KCNH8: variants seen among roughly 807,000 people sequenced by gnomAD.
KCNH8 encodes the protein voltage-gated delayed rectifier potassium channel KCNH8.
KCNH8 carries 70 observed loss-of-function variants against 103.6 expected under a neutral mutation model. The observed-to-expected ratio is 0.68, with a 90% CI of 0.56 to 0.82. KCNH8 has a LOEUF of 0.82. Among genes scored for constraint, KCNH8 ranks in the 40% least tolerant of loss-of-function variants. KCNH8 has a pLI of 0.00. For missense variants in KCNH8, 1,217 were observed against 1,329.9 expected (o/e 0.92, Z 1.32); for synonymous variants, 498 against 489.4 (o/e 1.02, Z -0.23).
At chr3:19,528,707 TATAAA>T (rs1382017271) in intron 15 of KCNH8, among the ~76,000 whole-genome samples, 1 of 152,106 alleles carries the variant, frequency 6.6e-6, no homozygotes, top group East Asian at 1.9e-4. Flanking sequence ...AAAATCATGA[TATAAA>T]ATAATATCAG....
chr3:19,485,645 T>C (rs186134895), intron 11 of KCNH8, among the ~76,000 whole-genome samples: 1 of 152,272 alleles, frequency 6.6e-6, no homozygotes, highest in Non-Finnish European at 1.5e-5. Flanking sequence ...AAAAAGTCTT[T>C]TTCTTCCTTA....
chr3:19,182,644 T>C (rs1162481966), intron 1 of KCNH8, among the ~76,000 whole-genome samples: 1 of 152,102 alleles, frequency 6.6e-6, no homozygotes, highest in Non-Finnish European at 1.5e-5. Flanking sequence ...TCTAGCACAA[T>C]GAAAAGACAA....
intron 7 of KCNH8, among the ~76,000 whole-genome samples, chr3:19,424,203 T>C (rs1203359516): frequency 6.6e-6 from 1 of 152,080 alleles, no homozygotes; most frequent in Non-Finnish European, 1.5e-5. Flanking sequence ...CCTGATATAC[T>C]ACAAGGCTAT....
intron 15 of KCNH8, among the ~76,000 whole-genome samples, chr3:19,528,826 T>C (rs2069109767): frequency 1.3e-5 from 2 of 152,164 alleles, no homozygotes; most frequent in African/African-American, 2.4e-5. Context: ...AGGCATTGCC[T>C]TGAGACCAGG....
intron 7 of KCNH8, among the ~76,000 whole-genome samples, chr3:19,405,222 G>A (rs1039392980): frequency 4.0e-5 from 6 of 151,650 alleles, no homozygotes; most frequent in African/African-American, 9.7e-5. Context: ...CAGGTTGCAC[G>A]TATTTCTTAA....
At chr3:19,253,075 ACTC>A (rs1293937708) in intron 1 of KCNH8, among the ~76,000 whole-genome samples, 1 of 152,092 alleles carries the variant, frequency 6.6e-6, no homozygotes, top group Non-Finnish European at 1.5e-5. Flanking sequence ...CTTTAGTTGT[ACTC>A]CTCACAATTA....
At chr3:19,479,515 G>A (rs2068044756) in intron 11 of KCNH8, among the ~76,000 whole-genome samples, 1 of 152,126 alleles carries the variant, frequency 6.6e-6, no homozygotes, top group African/African-American at 2.4e-5. Context: ...GTGGTGAAAT[G>A]TCAGATTTGT....
At chr3:19,445,895 G>T (rs1300229760) in intron 8 of KCNH8, among the ~76,000 whole-genome samples, 1 of 151,950 alleles carries the variant, frequency 6.6e-6, no homozygotes, top group Non-Finnish European at 1.5e-5. Context: ...TGTGCTAGAT[G>T]CAGGGAAAAC....
chr3:19,503,219 C>T (rs1324090347), intron 11 of KCNH8, among the ~76,000 whole-genome samples: 2 of 151,658 alleles, frequency 1.3e-5, no homozygotes, highest in East Asian at 3.9e-4. Context: ...AAATCAAAAC[C>T]ACAATGAGAT....
At chr3:19,355,112 G>A (rs892120691) in intron 5 of KCNH8, among the ~76,000 whole-genome samples, 21 of 152,270 alleles carry the variant, frequency 1.4e-4, no homozygotes, top group African/African-American at 4.6e-4. Context: ...CATTTATGCA[G>A]CCAACAGACA....
At chr3:19,272,341 A>G (rs1380000876) in intron 2 of KCNH8, among the ~76,000 whole-genome samples, 2 of 152,016 alleles carry the variant, frequency 1.3e-5, no homozygotes, top group African/African-American at 2.4e-5. Context: ...GAGGTAAACT[A>G]TACTAATTAT....
chr3:19,454,020 T>C (rs982416285), intron 10 of KCNH8, among the ~76,000 whole-genome samples: 1 of 152,170 alleles, frequency 6.6e-6, no homozygotes, highest in Non-Finnish European at 1.5e-5. Flanking sequence ...CATCCTCTTA[T>C]GTTTTTCTCC....
In KCNH8 at chr3:19,510,218, G is replaced by A. The variant is rs1168824352; in HGVS notation, c.2041-145G>A. The A allele has an allele frequency of 9.4e-6, 6 of 637,496 alleles. No homozygotes were observed. The Admixed American group carries it at 1.3e-4, about 14-fold the overall frequency. The allele number at this position is 637,496 out of a possible 1,614,324, so 39.5% of individuals were successfully genotyped here. A position where few individuals can be genotyped will look rare whatever the true frequency, so the allele number is the denominator to read the frequency against. ...GAAGGTGTTTTCTCTTCTCTGGCCT[G>A]CACAGGTAGATCCACACCCCTTCCT... On this transcript the variant is annotated intron_variant, in intron 11 of 15. Coordinates refer to ENST00000328405, the MANE Select transcript of KCNH8 (RefSeq NM_144633.3).
At chr3:19,489,341 T>C (rs1330540637) in intron 11 of KCNH8, among the ~76,000 whole-genome samples, 1 of 152,108 alleles carries the variant, frequency 6.6e-6, no homozygotes, top group African/African-American at 2.4e-5. Context: ...GAACCTTCCT[T>C]AACTAACTGT....
intron 7 of KCNH8, among the ~76,000 whole-genome samples, chr3:19,422,915 A>C (rs1178126103): frequency 1.3e-5 from 2 of 152,142 alleles, no homozygotes; most frequent in African/African-American, 4.8e-5. Context: ...CGGATAACCT[A>C]GTTTACTGAA....
At chr3:19,463,532 A>G (rs2067676506) in intron 11 of KCNH8, among the ~76,000 whole-genome samples, 1 of 152,134 alleles carries the variant, frequency 6.6e-6, no homozygotes, top group Non-Finnish European at 1.5e-5. Flanking sequence ...CAAAAACATT[A>G]GAAATATAAA....
intron 15 of KCNH8, among the ~76,000 whole-genome samples, chr3:19,521,500 G>C (rs2068970002): frequency 6.6e-6 from 1 of 151,886 alleles, no homozygotes; most frequent in Non-Finnish European, 1.5e-5. Context: ...ACAAGGTTAT[G>C]CTTTGATTCA....
chr3:19,367,852 G>A (rs1208515081), intron 5 of KCNH8, among the ~76,000 whole-genome samples: 2 of 151,954 alleles, frequency 1.3e-5, no homozygotes, highest in Admixed American at 1.3e-4. Context: ...AGGTTTTGGC[G>A]CTGGGCCCAG....
chr3:19,525,969 A>C (rs1478928646), intron 15 of KCNH8, among the ~76,000 whole-genome samples: 4 of 152,008 alleles, frequency 2.6e-5, no homozygotes, highest in African/African-American at 7.2e-5. Context: ...AAAAGACACA[A>C]GAATGAAATT....
Sources: allele counts gnomAD v4.1 joint callset (sites outside exome capture counted in the v4.1 genomes callset), GRCh38; gene constraint gnomAD v4.1.1; transcripts MANE v1.5; gene names NCBI Gene and HGNC (gene_info 2026-07-23, HGNC 2026-07-21).